Variants in MGAM observed in about 807,000 individuals in gnomAD.
The protein encoded by MGAM is maltase-glucoamylase.
A neutral mutation model predicts 358.8 loss-of-function variants in MGAM; 253 were observed. The ratio of observed to expected loss-of-function variants is 0.71; its 90% CI spans 0.64 to 0.78. MGAM has a LOEUF of 0.78. MGAM is among the 30% of genes least tolerant of loss of function. The probability of loss-of-function intolerance (pLI) is 0.00; values close to 1 mark genes in which losing one functional copy is unlikely to be tolerated. For synonymous variants in MGAM, 1,105 were observed against 1,227.1 expected (o/e 0.90, Z 2.08); for missense variants, 3,080 against 3,432.6 (o/e 0.90, Z 2.57).
In MGAM at chr7:142,081,591, C is replaced by T. The variant is rs568622990; in HGVS notation, c.6003-451C>T. ...TGAGTGCTGGGAGAGGAAGCTGCAA[C>T]GCCGGTTGAGGGGGCAGCTTCAGCC... is the stretch of plus-strand genomic sequence containing the variant. On this transcript the variant is annotated intron_variant, in intron 50 of 70. Coordinates refer to ENST00000475668, the MANE Select transcript of MGAM (RefSeq NM_001365693.1). Among the ~76,000 whole-genome samples the T allele has an allele frequency of 2.3e-4, 34 of 146,102 alleles. 3 individuals carry two copies. Among genetic ancestry groups the T allele is most frequent in the Admixed American group, 7.6e-4 (11 of 14,526 alleles).
At chr7:141,990,174 T>C (rs1485739757) in intron 2 of MGAM, among the ~76,000 whole-genome samples, 2 of 152,216 alleles carry the variant, frequency 1.3e-5, no homozygotes, top group Non-Finnish European at 2.9e-5. Flanking sequence ...TTGAATGCAC[T>C]ATTACCCCAG....
At chr7:142,038,467 A>G in intron 18 of MGAM, 64 bp from the exon 19 acceptor site, 1 of 1,252,976 alleles carries the variant, frequency 8.0e-7, no homozygotes, top group Non-Finnish European at 1.1e-6. Context: ...GTGTGTGAGT[A>G]GAGCTGCTAC....
intron 52 of MGAM, among the ~76,000 whole-genome samples, 158 bp downstream of exon 52, chr7:142,082,729 C>T (rs1225027106): frequency 6.8e-6 from 1 of 146,338 alleles, no homozygotes; most frequent in Non-Finnish European, 1.5e-5. Context: ...CTGTTCATTT[C>T]AGTCTAATAT....
Position 142,074,111 on chromosome 7 carries a change from T to C in MGAM, c.5213T>C (p.Ile1738Thr), listed in dbSNP as rs1813553174. 6.5e-7 allele frequency: 1 copy of C among 1,544,452 alleles called. No homozygotes were observed. Among genetic ancestry groups the C allele is most frequent in the Non-Finnish European group, 8.9e-7 (1 of 1,125,642 alleles). ...CGAAAGAACCCTCTTGGTCTTATTA[T>C]TGCCCTAGATGAAAACAAAGAAGCA... is the stretch of plus-strand genomic sequence containing the variant. ...LSRKNPLGLIIALDENKEAKG... is the reference protein window; with the variant it reads ...LSRKNPLGLITALDENKEAKG... Residue 1738 changes from isoleucine (I) to threonine (T), a missense_variant, in exon 45 of 71, where the codon ATT becomes ACT. This residue lies in a region of MGAM where 932 missense variants were observed against 1,198.2 expected (regional missense o/e 0.78). Transcript: ENST00000475668.
Position 142,049,054 on chromosome 7 carries a change from T to G in MGAM, c.2587+1181T>G, listed in dbSNP as rs535665478. Among the ~76,000 whole-genome samples the G allele has an allele frequency of 3.3e-5, 5 of 152,290 alleles. No homozygotes were observed. The South Asian group carries it at 1.0e-3, about 32-fold the overall frequency. ...GGCTCTAAGAACAACAGTTATACTG[T>G]CTGCTTCTAGGAGCTCAACTTTTTT... On this transcript the variant is annotated intron_variant, in intron 22 of 70. Coordinates refer to ENST00000475668, the MANE Select transcript of MGAM (RefSeq NM_001365693.1).
intron 57 of MGAM, among the ~76,000 whole-genome samples, chr7:142,087,101 G>A (rs1435347281): frequency 1.4e-5 from 2 of 141,718 alleles, no homozygotes; most frequent in African/African-American, 4.9e-5. Flanking sequence ...TGTTGCCTTG[G>A]TTATCCCTTT....
chr7:142,052,524 T>G, intron 25 of MGAM, 78 bp downstream of exon 25: 1 of 1,544,798 alleles, frequency 6.5e-7, no homozygotes, highest in Non-Finnish European at 8.7e-7. Context: ...GCAGTGGTAC[T>G]TACATAACTA....
chr7:142,059,482 A>G lies in MGAM; in HGVS notation c.3830A>G (p.Tyr1277Cys), dbSNP rs191199615. Reference protein sequence around the residue: ...VAAQIPYDVQYSDIDYMERQL... With the variant: ...VAAQIPYDVQCSDIDYMERQL... Reference sequence around the variant, plus strand: ...CATGTCCTCCCGCAGGATGTGCAGTACTCAGACATCGACTACATGGAGCGG... The same window carrying G: ...CATGTCCTCCCGCAGGATGTGCAGTGCTCAGACATCGACTACATGGAGCGG... The change falls in exon 32 of 71, where the codon TAC (tyrosine) becomes TGC (cysteine). Residue 1277 changes from tyrosine (Y) to cysteine (C), a missense_variant. Around this residue, in one of 5 missense-constraint regions of MGAM, gnomAD observed 1,816 missense variants for 1,840.5 expected, o/e 0.99. Transcript: ENST00000475668. 19 of 1,610,296 alleles carry G rather than the reference A, an allele frequency of 1.2e-5. No homozygotes were observed. In the East Asian group the frequency reaches 4.2e-4, roughly 36 times the overall value.
intron 1 of MGAM, among the ~76,000 whole-genome samples, chr7:142,002,473 A>G (rs1367316884): frequency 6.6e-6 from 1 of 152,140 alleles, no homozygotes; most frequent in Non-Finnish European, 1.5e-5. Flanking sequence ...AACAAAACCC[A>G]TATGATCATA....
chr7:142,101,196 G>C lies in MGAM; in HGVS notation c.7963+306G>C, dbSNP rs1816412784. Among the ~76,000 whole-genome samples the C allele has an allele frequency of 2.0e-5, 3 of 152,106 alleles. No homozygotes were observed. The South Asian group carries it at 6.2e-4, about 32-fold the overall frequency. On this transcript the variant is annotated intron_variant, in intron 68 of 70. Coordinates refer to ENST00000475668, the MANE Select transcript of MGAM (RefSeq NM_001365693.1). ...AAACTTTCATAGGATTTATGGTCAA[G>C]GACACATTCCCGAATTACATGGTTT...
intron 9 of MGAM, among the ~76,000 whole-genome samples, 187 bp from the exon 10 acceptor site, chr7:142,027,422 AG>A (rs1554461347): frequency 1.3e-5 from 2 of 152,246 alleles, no homozygotes; most frequent in Non-Finnish European, 2.9e-5. Flanking sequence ...GAGAATATAA[AG>A]GTGCCCCAAA....
At position 142,099,755 on chromosome 7, in the gene MGAM, G is replaced by A. The variant is rs752315897; in HGVS notation, c.7874+18G>A. 5.4e-5 allele frequency: 87 copies of A among 1,612,856 alleles called. No individual in the cohort carries two copies. Among genetic ancestry groups the A allele is most frequent in the Non-Finnish European group, 7.1e-5 (84 of 1,179,272 alleles). Reference sequence around the variant, plus strand: ...CACTTAAGGTAAGTGACAGGACTCAGGTTTTCCTTTACATGTCAGTTAGCT... The same window carrying A: ...CACTTAAGGTAAGTGACAGGACTCAAGTTTTCCTTTACATGTCAGTTAGCT... On this transcript the variant is annotated intron_variant, in intron 67 of 70. Coordinates refer to ENST00000475668, the MANE Select transcript of MGAM (RefSeq NM_001365693.1).
At chr7:142,095,420 A>G (rs919117719) in intron 63 of MGAM, 145 bp from the exon 64 acceptor site, 354 of 1,191,186 alleles carry the variant, frequency 3.0e-4, no homozygotes, top group Middle Eastern at 8.4e-4. Context: ...TTTCCAGTCT[A>G]TTAAGAATAT....
In MGAM at chr7:142,083,438, C is replaced by T. The variant is rs757813227; in HGVS notation, c.6381+25C>T. On this transcript the variant is annotated intron_variant, in intron 53 of 70. Coordinates refer to ENST00000475668, the MANE Select transcript of MGAM (RefSeq NM_001365693.1). ...GGTAGGGAGAAATCCAATTGTTTATCAAGTACTTATATAGCACATTCTGGG... is the reference window on the plus strand; with the variant it reads ...GGTAGGGAGAAATCCAATTGTTTATTAAGTACTTATATAGCACATTCTGGG... 3 of 1,475,960 alleles carry T rather than the reference C, an allele frequency of 2.0e-6. 1 individual carries two copies. Among genetic ancestry groups the T allele is most frequent in the East Asian group, 4.7e-5 (2 of 42,926 alleles). 91.4% of individuals were successfully genotyped at this position (1,475,960 alleles called of 1,614,324 possible). A position where few individuals can be genotyped will look rare whatever the true frequency, so the allele number is the denominator to read the frequency against.
At chr7:142,012,632 A>C (rs969474103) in intron 3 of MGAM, among the ~76,000 whole-genome samples, 1 of 152,216 alleles carries the variant, frequency 6.6e-6, no homozygotes, top group Non-Finnish European at 1.5e-5. Flanking sequence ...AGTGGTTTGC[A>C]GCAACAATTG....
At position 142,021,080 on chromosome 7, in the gene MGAM, T is replaced by C. The variant is rs1280743581; in HGVS notation, c.555T>C (p.Phe185=). The change falls in exon 5 of 71, where the codon TTT becomes TTC. Residue 185 remains phenylalanine, a synonymous_variant. Coordinates refer to ENST00000475668, the MANE Select transcript of MGAM (RefSeq NM_001365693.1). Reference sequence around the variant, plus strand: ...ATCAGACATCTAATCGTTTCCACTTTAAGGTTGTAATTTGTTTATTTTTTT... The same window carrying C: ...ATCAGACATCTAATCGTTTCCACTTCAAGGTTGTAATTTGTTTATTTTTTT... ...AEYQTSNRFH[F]KLTDQTNNRF... is the part of the protein sequence containing the mutation. 1.3e-6 allele frequency: 2 copies of C among 1,592,606 alleles called. No individual in the cohort carries two copies. Among genetic ancestry groups the C allele is most frequent in the South Asian group, 2.3e-5 (2 of 87,618 alleles).
At position 142,095,706 on chromosome 7, in the gene MGAM, C is replaced by A. The variant is rs9655651; in HGVS notation, c.7600C>A (p.Leu2534Ile). 1.7e-3 allele frequency: 2,769 copies of A among 1,613,970 alleles called. 35 individuals carry two copies. In the African/African-American group the frequency reaches 0.031, roughly 18 times the overall value. ...GGGCGTCACTGTTGTGCGGCCTCTG[C>A]TCCATGAGTGAGTGTCCAGCAGGGA... ...TEGVTVVRPL[L>I]HEFVSDQVTW... Residue 2534 changes from leucine (L) to isoleucine (I), a missense_variant, in exon 64 of 71, where the codon CTC becomes ATC. Leu to Ile is a conservative substitution (Grantham distance 5). Around this residue, in one of 5 missense-constraint regions of MGAM, gnomAD observed 932 missense variants for 1,198.2 expected, o/e 0.78. Transcript: ENST00000475668.
chr7:142,057,025 A>T, intron 30 of MGAM, 83 bp downstream of exon 30: 7 of 1,231,440 alleles, frequency 5.7e-6, no homozygotes, highest in Non-Finnish European at 7.9e-6. Flanking sequence ...TATAACTCTC[A>T]GTTGACAACT....
At chr7:142,102,282 G>C (rs1040646866) in intron 68 of MGAM, among the ~76,000 whole-genome samples, 1 of 152,136 alleles carries the variant, frequency 6.6e-6, no homozygotes, top group Non-Finnish European at 1.5e-5. Flanking sequence ...TGGAAATTCT[G>C]AGCTGGTTAG....
Sources: gnomAD v4.1 joint callset for allele counts (sites outside exome capture counted in the v4.1 genomes callset) on GRCh38, gnomAD v4.1.1 for gene constraint, gnomAD v4.1.1 regional missense constraint, MANE v1.5 for transcripts, NCBI Gene and HGNC (gene_info 2026-07-23, HGNC 2026-07-21) for gene names.